Variants in WBP2NL observed in about 807,000 individuals in gnomAD.
WBP2NL encodes the protein postacrosomal sheath WW domain-binding protein.
WBP2NL carries 27 observed loss-of-function variants against 23.3 expected under a neutral mutation model. That is an observed-to-expected ratio of 1.16 (90% CI 0.85 to 1.60). WBP2NL has a LOEUF of 1.60. Among genes scored for constraint, WBP2NL ranks in the 40% most tolerant of loss-of-function variants. The probability of loss-of-function intolerance (pLI) is 0.00; values close to 1 mark genes in which losing one functional copy is unlikely to be tolerated. For synonymous variants in WBP2NL, 151 were observed against 145.9 expected (o/e 1.03, Z -0.25); for missense variants, 370 against 389.5 (o/e 0.95, Z 0.42).
chr22:42,003,998 G>A (rs923346013), intron 1 of WBP2NL, among the ~76,000 whole-genome samples: 1 of 152,214 alleles, frequency 6.6e-6, no homozygotes, highest in African/African-American at 2.4e-5. Flanking sequence ...GAGGCCAGTC[G>A]CGATGGCTCA....
At chr22:42,055,952 A>G (rs1484719539) in intron 8 of WBP2NL, among the ~76,000 whole-genome samples, 1 of 151,970 alleles carries the variant, frequency 6.6e-6, no homozygotes, top group Non-Finnish European at 1.5e-5. Context: ...AACAAAGCAC[A>G]TTTTTGGATT....
downstream of WBP2NL, among the ~76,000 whole-genome samples, chr22:42,036,171 T>C (rs1251735019): frequency 6.6e-6 from 1 of 152,124 alleles, no homozygotes; most frequent in African/African-American, 2.4e-5. Flanking sequence ...TTTGATCATA[T>C]GTTCTATTTT....
intron 8 of WBP2NL, among the ~76,000 whole-genome samples, chr22:42,043,803 T>C (rs2146818357): frequency 6.6e-6 from 1 of 152,146 alleles, no homozygotes; most frequent in Non-Finnish European, 1.5e-5. Flanking sequence ...CTAAGCTCAC[T>C]GCAACCTCCA....
intron 8 of WBP2NL, among the ~76,000 whole-genome samples, chr22:42,042,096 A>T (rs991888470): frequency 6.6e-6 from 1 of 152,228 alleles, no homozygotes; most frequent in Non-Finnish European, 1.5e-5. Flanking sequence ...TGCATCTTTC[A>T]AAAGTTTTTG....
At chr22:42,057,850 CAT>C (rs1223008305) in intron 8 of WBP2NL, among the ~76,000 whole-genome samples, 28 of 88,002 alleles carry the variant, frequency 3.2e-4, no homozygotes, top group African/African-American at 9.7e-4. Flanking sequence ...TATATATACA[CAT>C]ATATGTGTGT....
intron 8 of WBP2NL, among the ~76,000 whole-genome samples, chr22:42,051,729 C>A (rs1050619630): frequency 6.6e-6 from 1 of 152,094 alleles, no homozygotes; most frequent in Non-Finnish European, 1.5e-5. Flanking sequence ...TTTCCCACAG[C>A]TTTTTAAATG....
intron 4 of WBP2NL, among the ~76,000 whole-genome samples, chr22:42,021,211 C>T (rs1010957980): frequency 7.2e-5 from 11 of 152,006 alleles, no homozygotes; most frequent in South Asian, 4.2e-4. Flanking sequence ...TGAGCCAGCA[C>T]GCCTGGCCGG....
intron 8 of WBP2NL, among the ~76,000 whole-genome samples, chr22:42,057,852 T>C (rs55694931): frequency 1.6e-4 from 17 of 106,252 alleles, no homozygotes; most frequent in African/African-American, 3.3e-4. Context: ...TATATACACA[T>C]ATATGTGTGT....
chr22:42,033,399 T>C (rs1925064206), downstream of WBP2NL, among the ~76,000 whole-genome samples: 1 of 152,218 alleles, frequency 6.6e-6, no homozygotes, highest in African/African-American at 2.4e-5. Context: ...TCTTCTTTTC[T>C]TCTCTTTGCC....
intron 5 of WBP2NL, among the ~76,000 whole-genome samples, chr22:42,026,164 C>T (rs1309887166): frequency 2.0e-5 from 3 of 151,588 alleles, no homozygotes; most frequent in East Asian, 3.9e-4. Flanking sequence ...CCCAGCTACT[C>T]GGGAGGCTGA....
chr22:42,006,426 G>A (rs182810577), intron 1 of WBP2NL, among the ~76,000 whole-genome samples: 4 of 152,190 alleles, frequency 2.6e-5, no homozygotes, highest in East Asian at 3.9e-4. Flanking sequence ...CCACTGATGG[G>A]GTTTCACTGT....
At chr22:42,055,602 GTC>G (rs1420298177) in intron 8 of WBP2NL, among the ~76,000 whole-genome samples, 3 of 152,198 alleles carry the variant, frequency 2.0e-5, no homozygotes, top group Admixed American at 1.3e-4. Context: ...TTCTGTAAAT[GTC>G]TGTTAGGTCT....
rs759808450 is a variant in WBP2NL, at chr22:42,022,254, C to G, written c.412C>G (p.Arg138Gly). Residue 138 changes from arginine to glycine, a missense_variant, in exon 5 of 6, where the codon CGA (arginine) becomes GGA (glycine). Arg to Gly is a moderately radical substitution (Grantham distance 125). Transcript: ENST00000328823. ...LMVKAASAAA[R>G]GFPLRTLNDW... The stretch of plus-strand genomic sequence containing the variant: ...TGCCAAATTTGTCTTTCCAGCTGCC[C>G]GAGGATTTCCACTTAGAACCTTAAA... 2.5e-6 allele frequency: 4 copies of G among 1,614,068 alleles called. No homozygotes were observed. The East Asian group carries it at 6.7e-5, about 27-fold the overall frequency.
chr22:42,044,456 T>G (rs963387475), intron 8 of WBP2NL, among the ~76,000 whole-genome samples: 1 of 152,106 alleles, frequency 6.6e-6, no homozygotes, highest in African/African-American at 2.4e-5. Context: ...ATAGCAGGAA[T>G]TAATAGAGAA....
chr22:42,053,119 C>T (rs1438835589), intron 8 of WBP2NL, among the ~76,000 whole-genome samples: 1 of 152,178 alleles, frequency 6.6e-6, no homozygotes, highest in Non-Finnish European at 1.5e-5. Context: ...CTGGCTTTCA[C>T]TTAGCATAAA....
intron 4 of WBP2NL, among the ~76,000 whole-genome samples, chr22:42,021,535 A>C (rs536598869): frequency 6.6e-6 from 1 of 152,316 alleles, no homozygotes; most frequent in East Asian, 1.9e-4. Flanking sequence ...ATGCCATCAC[A>C]AGTGTTCTTA....
At chr22:42,050,839 GACA>G (rs1366983002) in intron 8 of WBP2NL, among the ~76,000 whole-genome samples, 1 of 152,156 alleles carries the variant, frequency 6.6e-6, no homozygotes, top group African/African-American at 2.4e-5. Flanking sequence ...CCAAAATGCT[GACA>G]ACACCAAATT....
At chr22:42,046,316 A>G (rs762378002) in intron 8 of WBP2NL, among the ~76,000 whole-genome samples, 3 of 152,208 alleles carry the variant, frequency 2.0e-5, no homozygotes, top group Non-Finnish European at 4.4e-5. Context: ...CTAGATTGCT[A>G]TTATTTGGTC....
chr22:42,007,559 A>G lies in WBP2NL; in HGVS notation c.62+8679A>G, dbSNP rs988168983. Among the ~76,000 whole-genome samples, 8 of 152,070 alleles carry G rather than the reference A, an allele frequency of 5.3e-5. No homozygotes were observed. In the East Asian group the frequency reaches 1.5e-3, roughly 29 times the overall value. ...CTGTTCCCATTAAACAATTCCCTCT[A>G]TCCCTCTCCCCATGACACCTAGTAA... is the stretch of plus-strand genomic sequence containing the variant. On this transcript the variant is annotated intron_variant, in intron 1 of 5. Transcript: ENST00000328823.
Sources: allele counts gnomAD v4.1 joint callset (sites outside exome capture counted in the v4.1 genomes callset), GRCh38; gene constraint gnomAD v4.1.1; transcripts MANE v1.5; gene names NCBI Gene and HGNC (gene_info 2026-07-23, HGNC 2026-07-21).